LRP2: variants seen among roughly 807,000 people sequenced by gnomAD.
LRP2 encodes the protein low-density lipoprotein receptor-related protein 2.
A neutral mutation model predicts 531.0 loss-of-function variants in LRP2; 172 were observed. The ratio of observed to expected loss-of-function variants is 0.32; its 90% confidence interval spans 0.29 to 0.37. The LOEUF is 0.37. LRP2 is among the 10% of genes least tolerant of loss of function. The pLI is 1.00. For synonymous variants in LRP2, 1,992 were observed against 2,027.6 expected (o/e 0.98, Z 0.47); for missense variants, 5,167 against 5,868.3 (o/e 0.88, Z 3.90).
intron 6 of LRP2, among the ~76,000 whole-genome samples, 172 bp downstream of exon 6, chr2:169,293,976 T>C (rs369614148): frequency 6.6e-6 from 1 of 152,130 alleles, no homozygotes; most frequent in African/African-American, 2.4e-5. Context: ...CACAAAGGCT[T>C]GTGCCAAGAC....
intron 21 of LRP2, among the ~76,000 whole-genome samples, 177 bp from the exon 22 acceptor site, chr2:169,245,109 G>T (rs1689956361): frequency 6.6e-6 from 1 of 152,052 alleles, no homozygotes; most frequent in South Asian, 2.1e-4. Flanking sequence ...CATTTATTTG[G>T]TATTTATCAT....
intron 35 of LRP2, among the ~76,000 whole-genome samples, chr2:169,215,174 G>A (rs1027951699): frequency 2.6e-5 from 4 of 152,106 alleles, no homozygotes; most frequent in Non-Finnish European, 5.9e-5. Flanking sequence ...ACCATTATAG[G>A]TCCATATTCG....
At chr2:169,316,034 G>C (rs532158001) in intron 3 of LRP2, among the ~76,000 whole-genome samples, 14 of 151,452 alleles carry the variant, frequency 9.2e-5, no homozygotes, top group Admixed American at 7.2e-4. Context: ...CAGCTACTCT[G>C]GAGGCTGAGA....
At chr2:169,336,753 G>C (rs1369377356) in intron 1 of LRP2, among the ~76,000 whole-genome samples, 1 of 152,144 alleles carries the variant, frequency 6.6e-6, no homozygotes, top group Non-Finnish European at 1.5e-5. Flanking sequence ...TCTTAAGGCA[G>C]AATAACACTT....
chr2:169,142,832 A>G, intron 70 of LRP2, 39 bp from the exon 71 acceptor site: 4 of 1,612,168 alleles, frequency 2.5e-6, no homozygotes, highest in Non-Finnish European at 3.4e-6. Flanking sequence ...GTCCTGACAG[A>G]ATGAATAACC....
Position 169,207,268 on chromosome 2 carries a change from G to A in LRP2, c.6470-18C>T, listed in dbSNP as rs769916394. 1.9e-6 allele frequency: 3 copies of A among 1,573,400 alleles called. No individual in the cohort carries two copies. Among genetic ancestry groups the A allele is most frequent in the East Asian group, 2.2e-5 (1 of 44,672 alleles). On this transcript the variant is annotated intron_variant, in intron 38 of 78. Transcript: ENST00000649046. Reference sequence around the variant, plus strand: ...AAGATTTCCTATGGGAAAAATGAAAGTGCATGCTGATCAATGGAGAACCAA... The same window carrying A: ...AAGATTTCCTATGGGAAAAATGAAAATGCATGCTGATCAATGGAGAACCAA...
At position 169,254,366 on chromosome 2, in the gene LRP2, C is replaced by T. The variant is rs1161660480; in HGVS notation, c.2770+1740G>A. Among the ~76,000 whole-genome samples the T allele has an allele frequency of 2.5e-5, 2 of 80,534 alleles. 1 individual carries two copies. 52.8% of individuals were successfully genotyped at this position (80,534 alleles called of 152,430 possible). On this transcript the variant is annotated intron_variant, in intron 19 of 78. Coordinates refer to ENST00000649046, the MANE Select transcript of LRP2 (RefSeq NM_004525.3). The stretch of plus-strand genomic sequence containing the variant: ...TAGAGACATGGATGAAATTGGAAAC[C>T]ATCATTCTCAGTAAACTATCGCAAG...
intron 3 of LRP2, among the ~76,000 whole-genome samples, chr2:169,313,948 G>A (rs977703488): frequency 4.6e-5 from 7 of 152,148 alleles, no homozygotes; most frequent in East Asian, 1.9e-4. Flanking sequence ...AGATATCAGC[G>A]TTCTGCAAAA....
rs1690058344 is a variant in LRP2, at chr2:169,247,515, T to C, written c.2771A>G (p.Glu924Gly). The C allele has an allele frequency of 6.2e-7, 1 of 1,614,080 alleles. No homozygotes were observed. Among genetic ancestry groups the C allele is most frequent in the East Asian group, 2.2e-5 (1 of 44,874 alleles). ...THPFGLAIFG[E>G]HLFFTDWRLG... is the part of the protein sequence containing the mutation. ...TCTCCAGTCAGTAAAAAATAAATGC[T>C]CTGAAAAGAAACATGGGTAGATTAG... The change falls in exon 20 of 79, where the codon GAG becomes GGG. Residue 924 changes from glutamate (E) to glycine (G), a missense_variant and splice_region_variant. Coordinates refer to ENST00000649046, the MANE Select transcript of LRP2 (RefSeq NM_004525.3).
chr2:169,213,149 T>TG (rs1474258706), intron 36 of LRP2, among the ~76,000 whole-genome samples: 1 of 152,148 alleles, frequency 6.6e-6, no homozygotes, highest in Non-Finnish European at 1.5e-5. Context: ...AGATTATCTT[T>TG]GAAAAAAATG....
chr2:169,246,587 T>A lies in LRP2; in HGVS notation c.3190+118A>T, dbSNP rs1012126953. On this transcript the variant is annotated intron_variant, in intron 21 of 78. Transcript: ENST00000649046. ...AAGCCTTCAAAGTGCATGTTAAGAA[T>A]CTGAAATTCTAAAAGATATTTTTCC... The A allele has an allele frequency of 1.1e-5, 14 of 1,228,004 alleles. No individual in the cohort carries two copies. In the African/African-American group the frequency reaches 1.9e-4, roughly 17 times the overall value. 76.1% of individuals were successfully genotyped at this position (1,228,004 alleles called of 1,614,324 possible).
At chr2:169,281,892 G>T (rs925362835) in intron 10 of LRP2, among the ~76,000 whole-genome samples, 9 of 151,756 alleles carry the variant, frequency 5.9e-5, no homozygotes, top group Admixed American at 2.6e-4. Flanking sequence ...ATCTATATTT[G>T]TATGTTCTTG....
chr2:169,277,159 AC>A (rs1253307557), intron 13 of LRP2, among the ~76,000 whole-genome samples: 3 of 146,928 alleles, frequency 2.0e-5, no homozygotes, highest in Admixed American at 7.1e-5. Flanking sequence ...GCATCACTGC[AC>A]TTCAGCCTGG....
intron 60 of LRP2, 70 bp downstream of exon 60, chr2:169,169,632 G>T: frequency 8.6e-7 from 1 of 1,165,428 alleles, no homozygotes; most frequent in Non-Finnish European, 1.3e-6. Flanking sequence ...AAGCGGCAGC[G>T]GACTGATGTC....
At chr2:169,261,241 G>C (rs544841336) in intron 16 of LRP2, among the ~76,000 whole-genome samples, 2 of 152,172 alleles carry the variant, frequency 1.3e-5, no homozygotes, top group African/African-American at 4.8e-5. Flanking sequence ...GGAAAAGTCA[G>C]TAGAAAAAGA....
intron 10 of LRP2, among the ~76,000 whole-genome samples, 154 bp downstream of exon 10, chr2:169,282,719 A>G (rs1428939137): frequency 1.3e-5 from 2 of 152,162 alleles, no homozygotes; most frequent in African/African-American, 2.4e-5. Flanking sequence ...ATGTTGACCA[A>G]TTTTTCTAGG....
chr2:169,148,504 GC>G (rs1210239266), intron 68 of LRP2, among the ~76,000 whole-genome samples: 1 of 151,976 alleles, frequency 6.6e-6, no homozygotes, highest in Non-Finnish European at 1.5e-5. Context: ...AATAAGCCAG[GC>G]ATGGTGGTGT....
chr2:169,243,872 C>T (rs1255385258), intron 22 of LRP2, among the ~76,000 whole-genome samples: 1 of 152,144 alleles, frequency 6.6e-6, no homozygotes, highest in African/African-American at 2.4e-5. Flanking sequence ...GGAGCCCAAT[C>T]AGGCAACAAA....
At position 169,336,959 on chromosome 2, in the gene LRP2, G is replaced by T. The variant is rs576380012; in HGVS notation, c.80-16075C>A. Among the ~76,000 whole-genome samples the T allele has an allele frequency of 3.9e-5, 6 of 152,290 alleles. No homozygotes were observed. The East Asian group carries it at 1.2e-3, about 29-fold the overall frequency. On this transcript the variant is annotated intron_variant, in intron 1 of 78. Coordinates refer to ENST00000649046, the MANE Select transcript of LRP2 (RefSeq NM_004525.3). ...TGGGTAAGGTTACAAAGAGGGAAAAGCAACTTAAACTTAAAAGGCTGTTCT... is the reference window on the plus strand; with the variant it reads ...TGGGTAAGGTTACAAAGAGGGAAAATCAACTTAAACTTAAAAGGCTGTTCT...
Sources: allele counts gnomAD v4.1 joint callset (sites outside exome capture counted in the v4.1 genomes callset), GRCh38; gene constraint gnomAD v4.1.1; transcripts MANE v1.5; gene names NCBI Gene and HGNC (gene_info 2026-07-23, HGNC 2026-07-21).